Variants in RBM25 observed in about 807,000 individuals in gnomAD.
The protein encoded by RBM25 is RNA-binding protein 25.
In RBM25, 19 loss-of-function variants were observed where a neutral mutation model predicts 120.7. That is an observed-to-expected ratio of 0.16 (90% confidence interval 0.11 to 0.23). The LOEUF is 0.23. Among genes scored for constraint, RBM25 ranks in the 10% least tolerant of loss-of-function variants. The probability of loss-of-function intolerance (pLI) is 1.00; values close to 1 mark genes in which losing one functional copy is unlikely to be tolerated. For synonymous variants in RBM25, 390 were observed against 326.7 expected (o/e 1.19, Z -2.09); for missense variants, 605 against 1,041.5 (o/e 0.58, Z 5.77).
intron 13 of RBM25, 165 bp from the exon 14 acceptor site, chr14:73,109,177 T>G: frequency 1.6e-6 from 1 of 635,602 alleles, no homozygotes; most frequent in Non-Finnish European, 2.7e-6. Context: ...CATTTACATG[T>G]AGAGAGCACA....
Position 73,109,327 on chromosome 14 carries a change from C to T in RBM25, c.1542-15C>T. 1 of 1,607,182 alleles carries T rather than the reference C, an allele frequency of 6.2e-7. No homozygotes were observed. Among genetic ancestry groups the T allele is most frequent in the Non-Finnish European group, 8.5e-7 (1 of 1,177,076 alleles). ...CGGAGTATTAAATGAAGCCTTTTAT[C>T]ATTCACTTTTACAGAGGAAGTGCTC... On this transcript the variant is annotated splice_polypyrimidine_tract_variant and intron_variant, in intron 13 of 18. Transcript: ENST00000261973.
chr14:73,107,524 C>G (rs1594931766), intron 12 of RBM25: 1 of 264,200 alleles, frequency 3.8e-6, no homozygotes, highest in African/African-American at 2.3e-5. Context: ...AAAATATTTT[C>G]TCTATAGAAA....
At position 73,121,160 on chromosome 14, in the gene RBM25, G is replaced by A. The variant is rs1047119585; in HGVS notation, c.*1355G>A. ...TTAAAAGAAAGGTAAAGATTGGCCT[G>A]TTAGAAAAAGCATAATGTGAGCTTT... On this transcript the variant is annotated 3_prime_UTR_variant, in exon 19 of 19. Coordinates refer to ENST00000261973, the MANE Select transcript of RBM25 (RefSeq NM_021239.3). The A allele has an allele frequency of 6.6e-6, 1 of 151,332 alleles. No individual in the cohort carries two copies. The highest frequency in any genetic ancestry group is 1.5e-5 in the Non-Finnish European group (1 of 67,818). The allele number at this position is 151,332 out of a possible 1,614,324, so 9.4% of individuals were successfully genotyped here.
intron 14 of RBM25, 77 bp downstream of exon 14, chr14:73,109,569 G>C (rs1896261842): frequency 1.1e-5 from 15 of 1,368,636 alleles, no homozygotes; most frequent in Non-Finnish European, 1.5e-5. Flanking sequence ...CGAGGCGGGC[G>C]GATCACGAGG....
In RBM25 at chr14:73,111,064, T is replaced by C; in HGVS notation, c.1926T>C (p.Ser642=). 6.2e-7 allele frequency: 1 copy of C among 1,614,160 alleles called. No homozygotes were observed. ...CACCTAACACTCCTGGGGATGAGTC[T>C]CCCTGTGGTATTATTATTCCTCATG... ...NATPNTPGDE[S]PCGIIIPHEN... The change falls in exon 15 of 19, where the codon TCT becomes TCC. Residue 642 remains serine (S), a synonymous_variant. Transcript: ENST00000261973.
At position 73,077,456 on chromosome 14, in the gene RBM25, A is replaced by T; in HGVS notation, c.244A>T (p.Asn82Tyr). The T allele has an allele frequency of 1.9e-6, 3 of 1,614,076 alleles. No individual in the cohort carries two copies. Among genetic ancestry groups the T allele is most frequent in the Non-Finnish European group, 2.5e-6 (3 of 1,179,950 alleles). The change falls in exon 4 of 19, where the codon AAT becomes TAT. Residue 82 changes from asparagine (N) to tyrosine (Y), a missense_variant. By Grantham distance (143) the Asn-to-Tyr change is moderately radical. Coordinates refer to ENST00000261973, the MANE Select transcript of RBM25 (RefSeq NM_021239.3). The stretch of plus-strand genomic sequence containing the variant: ...CTTAAAGGCTAAAGAAAATGATGAA[A>T]ATTGTGGTCCTACTACCACTGTTTT... ...PGLKAKENDE[N>Y]CGPTTTVFVG...
In RBM25 at chr14:73,071,791, T is replaced by C. The variant is rs781352606; in HGVS notation, c.106+44T>C. 28 of 1,460,292 alleles carry C rather than the reference T, an allele frequency of 1.9e-5. No individual in the cohort carries two copies. The African/African-American group carries it at 3.6e-4, about 19-fold the overall frequency. The allele number at this position is 1,460,292 out of a possible 1,614,324, so 90.5% of individuals were successfully genotyped here. On this transcript the variant is annotated intron_variant, in intron 2 of 18. Coordinates refer to ENST00000261973, the MANE Select transcript of RBM25 (RefSeq NM_021239.3). ...TTTTTTGTCGTTAAACTTGTACTTT[T>C]GTCTTTGTGATACTAACTTCAGGAA...
intron 1 of RBM25, among the ~76,000 whole-genome samples, chr14:73,064,291 C>A (rs1895075000): frequency 6.6e-6 from 1 of 151,394 alleles, no homozygotes; most frequent in Admixed American, 6.6e-5. Context: ...AACACATAAA[C>A]CTGTGTTGAA....
intron 1 of RBM25, among the ~76,000 whole-genome samples, chr14:73,065,752 A>G (rs139707989): frequency 0.023 from 3,428 of 150,506 alleles, 133 homozygotes; most frequent in African/African-American, 0.077. Context: ...CAGGGGTTTC[A>G]CCATTTTGGC....
chr14:73,115,331 C>A (rs1321137685), intron 18 of RBM25, among the ~76,000 whole-genome samples: 1 of 152,222 alleles, frequency 6.6e-6, no homozygotes, highest in Non-Finnish European at 1.5e-5. Context: ...CTCCCACCCT[C>A]TGCCCTACGA....
intron 12 of RBM25, chr14:73,107,318 T>C (rs1423661379): frequency 6.5e-6 from 1 of 152,990 alleles, no homozygotes; most frequent in Non-Finnish European, 1.5e-5. Context: ...AAATGTCTAA[T>C]GTGACCTATA....
In RBM25 at chr14:73,084,497, A is replaced by G. The variant is rs558932902; in HGVS notation, c.382+946A>G. 6.9e-4 allele frequency among the ~76,000 whole-genome samples: 105 copies of G among 152,116 alleles called. 1 individual carries two copies. Among genetic ancestry groups the G allele is most frequent in the Non-Finnish European group, 1.2e-3 (83 of 68,004 alleles). Reference sequence around the variant, plus strand: ...TTAATCTATCCTCTGTGTTTTCTGTAAAGTGGTCAGTAGTTGTACTTGATG... The same window carrying G: ...TTAATCTATCCTCTGTGTTTTCTGTGAAGTGGTCAGTAGTTGTACTTGATG... On this transcript the variant is annotated intron_variant, in intron 5 of 18. Transcript: ENST00000261973.
At chr14:73,097,972 T>C (rs1030976586) in intron 7 of RBM25, among the ~76,000 whole-genome samples, 9 of 152,164 alleles carry the variant, frequency 5.9e-5, no homozygotes, top group African/African-American at 2.2e-4. Flanking sequence ...CTTTTAAAAA[T>C]ACTGGAAGAA....
intron 5 of RBM25, among the ~76,000 whole-genome samples, chr14:73,087,180 G>A (rs1461763060): frequency 6.6e-6 from 1 of 151,898 alleles, no homozygotes; most frequent in African/African-American, 2.4e-5. Flanking sequence ...ATTTAATTTT[G>A]TTTTAATATT....
At chr14:73,067,889 G>GCGCC (rs1895179700) in intron 1 of RBM25, among the ~76,000 whole-genome samples, 1 of 151,788 alleles carries the variant, frequency 6.6e-6, no homozygotes, top group African/African-American at 2.4e-5. Flanking sequence ...GTGAGCCACC[G>GCGCC]CGCCCGGCCT....
chr14:73,114,313 AT>A lies in RBM25; in HGVS notation c.2423del (p.Leu808Ter). The A allele has an allele frequency of 6.4e-7, 1 of 1,569,714 alleles. No individual in the cohort carries two copies. The highest frequency in any genetic ancestry group is 8.6e-7 in the Non-Finnish European group (1 of 1,156,852). ...TATGGCTCATAGTTCACCCCAGAGCATTTTAGATGATGTTGCCATGGTAAGT... is the reference window on the plus strand; with the variant it reads ...TATGGCTCATAGTTCACCCCAGAGCATTTAGATGATGTTGCCATGGTAAGT... ...KVMAHSSPQSILDDVAMVLDE... is the reference protein window; with the variant it reads ...KVMAHSSPQSXLDDVAMVLDE... On this transcript the variant is annotated frameshift_variant, in exon 18 of 19. Coordinates refer to ENST00000261973, the MANE Select transcript of RBM25 (RefSeq NM_021239.3). LOFTEE classifies it high-confidence loss of function.
rs1376522198 is a variant in RBM25 at position 73,111,039 on chromosome 14, C to T, written c.1901C>T (p.Thr634Ile). The change falls in exon 15 of 19, where the codon ACA becomes ATA. Residue 634 changes from threonine to isoleucine, a missense_variant. Thr to Ile is a moderately conservative substitution (Grantham distance 89). Coordinates refer to ENST00000261973, the MANE Select transcript of RBM25 (RefSeq NM_021239.3). Reference protein sequence around the residue: ...PSVSSASGNATPNTPGDESPC... With the variant: ...PSVSSASGNAIPNTPGDESPC... The stretch of plus-strand genomic sequence containing the variant: ...GTTTCCTCTGCCAGTGGCAATGCAA[C>T]ACCTAACACTCCTGGGGATGAGTCT... The T allele has an allele frequency of 6.2e-7, 1 of 1,614,090 alleles. No individual in the cohort carries two copies. The highest frequency in any genetic ancestry group is 8.5e-7 in the Non-Finnish European group (1 of 1,180,020).
At chr14:73,112,276 C>T in intron 17 of RBM25, 26 bp downstream of exon 17, 3 of 1,530,560 alleles carry the variant, frequency 2.0e-6, no homozygotes, top group Middle Eastern at 2.1e-4. Context: ...TCTTCCATGC[C>T]AGCATTTATT....
chr14:73,070,665 T>C (rs1413448446), intron 1 of RBM25, among the ~76,000 whole-genome samples: 1 of 151,924 alleles, frequency 6.6e-6, no homozygotes, highest in Non-Finnish European at 1.5e-5. Flanking sequence ...ATAAGAAAAA[T>C]GGGCCGGGCG....
Sources: allele counts gnomAD v4.1 joint callset (sites outside exome capture counted in the v4.1 genomes callset), GRCh38; gene constraint gnomAD v4.1.1; transcripts MANE v1.5; gene names NCBI Gene and HGNC (gene_info 2026-07-23, HGNC 2026-07-21).